Variants in MRRF observed in about 807,000 individuals in gnomAD.
The protein encoded by MRRF is ribosome-recycling factor, mitochondrial.
MRRF carries 18 observed loss-of-function variants against 25.1 expected under a neutral mutation model. The ratio of observed to expected loss-of-function variants is 0.72; its 90% CI spans 0.50 to 1.06. The LOEUF (loss-of-function observed/expected upper bound fraction) is 1.06, where lower values mean the gene tolerates loss of function less well. MRRF is among the 50% of genes least tolerant of loss of function. The probability of loss-of-function intolerance (pLI) is 0.00; values close to 1 mark genes in which losing one functional copy is unlikely to be tolerated. For missense variants in MRRF, 323 were observed against 319.3 expected, an observed-to-expected ratio of 1.01 and a Z score of -0.09; for synonymous variants, 113 against 112.1, an observed-to-expected ratio of 1.01 and a Z score of -0.05.
At chr9:122,270,654 T>G (rs1832390559) in intron 1 of MRRF, among the ~76,000 whole-genome samples, 1 of 152,226 alleles carries the variant, frequency 6.6e-6, no homozygotes, top group African/African-American at 2.4e-5. Context: ...TAAATCTCTG[T>G]GAGCCTTAGT....
At chr9:122,270,069 T>A (rs1281874811) in intron 1 of MRRF, among the ~76,000 whole-genome samples, 2 of 152,174 alleles carry the variant, frequency 1.3e-5, no homozygotes, top group Non-Finnish European at 2.9e-5. Flanking sequence ...GTGGGACTGT[T>A]ACTCAAAGGA....
chr9:122,269,039 G>T (rs1030998532), intron 1 of MRRF, among the ~76,000 whole-genome samples: 1 of 151,628 alleles, frequency 6.6e-6, no homozygotes, highest in African/African-American at 2.4e-5. Flanking sequence ...GGTGGCAGGC[G>T]CCTGTAGTCC....
chr9:122,324,653 AG>A lies in MRRF; in HGVS notation c.*2037del, dbSNP rs1191788011. 21 of 152,378 alleles carry A rather than the reference AG, an allele frequency of 1.4e-4. No individual in the cohort carries two copies. Among genetic ancestry groups the A allele is most frequent in the African/African-American group, 4.8e-4 (20 of 41,586 alleles). 9.4% of individuals were successfully genotyped at this position (152,378 alleles called of 1,614,324 possible). A position where few individuals can be genotyped will look rare whatever the true frequency, so the allele number is the denominator to read the frequency against. On this transcript the variant is annotated 3_prime_UTR_variant, in exon 7 of 7. Transcript: ENST00000344641. ...TGCAAGGTGTCTGCTTTCAGAATGG[AG>A]CCCACTTTGGTGGTGGCAAGGCCTG...
chr9:122,278,381 A>G (rs1159972880), intron 2 of MRRF, among the ~76,000 whole-genome samples: 1 of 152,044 alleles, frequency 6.6e-6, no homozygotes, highest in African/African-American at 2.4e-5. Flanking sequence ...ACTACCCTTG[A>G]CCCTTTGCAG....
At chr9:122,268,775 TCATA>T (rs1245966813) in intron 1 of MRRF, among the ~76,000 whole-genome samples, 1 of 152,226 alleles carries the variant, frequency 6.6e-6, no homozygotes, top group East Asian at 1.9e-4. Flanking sequence ...TTTATAGACT[TCATA>T]CACTGATCAC....
chr9:122,282,341 A>G (rs1364224156), intron 3 of MRRF, among the ~76,000 whole-genome samples: 1 of 152,188 alleles, frequency 6.6e-6, no homozygotes, highest in Non-Finnish European at 1.5e-5. Flanking sequence ...CCATGCATAC[A>G]TTGATTTATC....
chr9:122,274,879 A>G (rs116159451), intron 2 of MRRF, among the ~76,000 whole-genome samples: 1,818 of 151,678 alleles, frequency 0.012, 41 homozygotes, highest in African/African-American at 0.041. Flanking sequence ...CTTTTTTGCA[A>G]TTTTATGATT....
At position 122,311,121 on chromosome 9, in the gene MRRF, T is replaced by C. The variant is rs1452390666; in HGVS notation, c.552-2106T>C. ...ATTTTAGAGATAAGGAAACTGAGGC[T>C]CACAGAGATTAAGTAACTTGCCCAA... On this transcript the variant is annotated intron_variant, in intron 5 of 6. Transcript: ENST00000344641. Among the ~76,000 whole-genome samples, 5 of 152,344 alleles carry C rather than the reference T, an allele frequency of 3.3e-5. No individual in the cohort carries two copies. In the East Asian group the frequency reaches 9.6e-4, roughly 29 times the overall value.
In MRRF at chr9:122,280,525, T is replaced by C. The variant is rs1833036174; in HGVS notation, c.267T>C (p.Asn89=). The C allele has an allele frequency of 1.2e-6, 2 of 1,613,726 alleles. No individual in the cohort carries two copies. Among genetic ancestry groups the C allele is most frequent in the Non-Finnish European group, 1.7e-6 (2 of 1,179,760 alleles). ...ATATAATCAACTTGGAAGAGGTGAA[T>C]GAAGAAATGAAGTCTGTGATAGAAG... The part of the protein sequence containing the change: ...VEDIINLEEV[N]EEMKSVIEAL... Residue 89 remains asparagine (N), a synonymous_variant, in exon 3 of 7, where the codon AAT becomes AAC. Transcript: ENST00000344641.
At chr9:122,281,145 G>C (rs1325045159) in intron 3 of MRRF, among the ~76,000 whole-genome samples, 3 of 152,180 alleles carry the variant, frequency 2.0e-5, no homozygotes, top group African/African-American at 4.8e-5. Flanking sequence ...GGAAGATTCC[G>C]TTTGGGTTAA....
chr9:122,292,449 T>C (rs1046367809), intron 5 of MRRF, among the ~76,000 whole-genome samples: 13 of 152,084 alleles, frequency 8.5e-5, no homozygotes, highest in African/African-American at 2.9e-4. Context: ...ATTATATAAA[T>C]ATATAGAACT....
intron 2 of MRRF, among the ~76,000 whole-genome samples, chr9:122,275,705 G>A (rs974804704): frequency 6.6e-6 from 1 of 152,062 alleles, no homozygotes; most frequent in African/African-American, 2.4e-5. Flanking sequence ...ATTTTTCTGT[G>A]TGTGGCTTAT....
intron 2 of MRRF, among the ~76,000 whole-genome samples, chr9:122,275,360 T>C (rs1832713819): frequency 6.6e-6 from 1 of 152,170 alleles, no homozygotes; most frequent in African/African-American, 2.4e-5. Flanking sequence ...TGGTTAGGCA[T>C]GGTGGCTCAT....
chr9:122,265,785 GCAT>G, intron 1 of MRRF: 1 of 1,285,564 alleles, frequency 7.8e-7, no homozygotes, highest in Non-Finnish European at 1.0e-6. Flanking sequence ...GATAAGGTAG[GCAT>G]ACTGGAATCC....
intron 2 of MRRF, among the ~76,000 whole-genome samples, chr9:122,275,343 C>T (rs1014058380): frequency 2.0e-5 from 3 of 152,010 alleles, no homozygotes; most frequent in African/African-American, 7.3e-5. Flanking sequence ...TTTGTAGATT[C>T]CGCATGTGGT....
At chr9:122,273,404 T>C (rs1318001637) in intron 2 of MRRF, among the ~76,000 whole-genome samples, 1 of 143,788 alleles carries the variant, frequency 7.0e-6, no homozygotes, top group African/African-American at 2.6e-5. Flanking sequence ...ATGATGCCAC[T>C]GCCACTCCAG....
rs1210287717 is a variant in MRRF at position 122,296,496 on chromosome 9, C to G, written c.551+4656C>G. On this transcript the variant is annotated intron_variant, in intron 5 of 6. Coordinates refer to ENST00000344641, the MANE Select transcript of MRRF (RefSeq NM_138777.5). ...AAGAGACTATTTTAGGCTCATTTGA[C>G]TGATGAGAGTCCTGAAGCTCATAGA... Among the ~76,000 whole-genome samples the G allele has an allele frequency of 7.9e-5, 12 of 152,174 alleles. No individual in the cohort carries two copies. The East Asian group carries it at 2.3e-3, about 29-fold the overall frequency.
At position 122,326,014 on chromosome 9, in the gene MRRF, G is replaced by T. The variant is rs1483219040; in HGVS notation, c.*3397G>T. 1 of 150,392 alleles carries T rather than the reference G, an allele frequency of 6.6e-6. No individual in the cohort carries two copies. Among genetic ancestry groups the T allele is most frequent in the Non-Finnish European group, 1.5e-5 (1 of 67,816 alleles). The allele number at this position is 150,392 out of a possible 1,614,324, so 9.3% of individuals were successfully genotyped here. A position where few individuals can be genotyped will look rare whatever the true frequency, so the allele number is the denominator to read the frequency against. On this transcript the variant is annotated 3_prime_UTR_variant, in exon 7 of 7. Coordinates refer to ENST00000344641, the MANE Select transcript of MRRF (RefSeq NM_138777.5). The stretch of plus-strand genomic sequence containing the variant: ...TTTTTTTGCTTTGTTTCCTAGGCTG[G>T]TCTCAAACACCTGGCCTCAAGCGGT...
intron 2 of MRRF, among the ~76,000 whole-genome samples, chr9:122,274,750 T>C (rs1329457723): frequency 6.6e-6 from 1 of 152,152 alleles, no homozygotes; most frequent in Non-Finnish European, 1.5e-5. Context: ...ACTATTTTTA[T>C]AGTCATGTCC....
Sources: gnomAD v4.1 joint callset for allele counts (sites outside exome capture counted in the v4.1 genomes callset) on GRCh38, gnomAD v4.1.1 for gene constraint, MANE v1.5 for transcripts, NCBI Gene and HGNC (gene_info 2026-07-23, HGNC 2026-07-21) for gene names.